The following PRORP variants were observed in gnomAD, a reference collection of about 807,000 sequenced individuals.
The protein encoded by PRORP is mitochondrial ribonuclease P catalytic subunit.
Under a neutral mutation model 59.4 loss-of-function variants are expected in PRORP, and 51 were observed. The ratio of observed to expected loss-of-function variants is 0.86; its 90% CI spans 0.69 to 1.08. PRORP has a LOEUF of 1.08. PRORP is among the 50% of genes least tolerant of loss of function. The pLI is 0.00. For synonymous variants in PRORP, 231 were observed against 245.6 expected (o/e 0.94, Z 0.55); for missense variants, 646 against 690.3 (o/e 0.94, Z 0.72).
intron 5 of PRORP, among the ~76,000 whole-genome samples, chr14:35,228,227 G>A (rs181669455): frequency 1.3e-5 from 2 of 152,174 alleles, no homozygotes; most frequent in East Asian, 1.9e-4. Flanking sequence ...CAGCCATTGA[G>A]CATTATTGCC....
intron 2 of PRORP, among the ~76,000 whole-genome samples, chr14:35,126,386 G>C (rs915301769): frequency 2.0e-5 from 3 of 152,222 alleles, no homozygotes; most frequent in Non-Finnish European, 4.4e-5. Context: ...TGGTGTGTAA[G>C]AGGTAAATTA....
In PRORP at chr14:35,123,705, T is replaced by C. The variant is rs1309830748; in HGVS notation, c.460T>C (p.Ser154Pro). ...TTCACAGATGGCTGGCTGTCATAGC[T>C]CTATAGATGTGGCTAAATCTCTGCT... is the stretch of plus-strand genomic sequence containing the variant. ...IISQMAGCHS[S>P]IDVAKSLLAW... The change falls in exon 2 of 8, where the codon TCT (serine) becomes CCT (proline). Residue 154 changes from serine (S) to proline (P), a missense_variant. By Grantham distance (74) the Ser-to-Pro change is moderately conservative (BLOSUM62 -1). Coordinates refer to ENST00000534898, the MANE Select transcript of PRORP (RefSeq NM_014672.4). 4 of 1,614,208 alleles carry C rather than the reference T, an allele frequency of 2.5e-6. No homozygotes were observed. Among genetic ancestry groups the C allele is most frequent in the Non-Finnish European group, 2.5e-6 (3 of 1,180,042 alleles).
rs115584458 is a variant in PRORP at position 35,207,098 on chromosome 14, T to A, written c.1275+26321T>A. On this transcript the variant is annotated intron_variant, in intron 5 of 7. Transcript: ENST00000534898. ...TCCCAAGGTGGCTGTGTATCTTTTATTTTTTTTTCTTTAAGGCTAACAGCC... is the reference window on the plus strand; with the variant it reads ...TCCCAAGGTGGCTGTGTATCTTTTAATTTTTTTTCTTTAAGGCTAACAGCC... 3.1e-3 allele frequency among the ~76,000 whole-genome samples: 414 copies of A among 133,904 alleles called. 2 individuals carry two copies. Among genetic ancestry groups the A allele is most frequent in the African/African-American group, 9.9e-3 (398 of 40,188 alleles). 87.8% of individuals were successfully genotyped at this position (133,904 alleles called of 152,430 possible).
chr14:35,172,929 G>A (rs562780750), intron 4 of PRORP, among the ~76,000 whole-genome samples: 14 of 148,554 alleles, frequency 9.4e-5, no homozygotes, highest in South Asian at 2.1e-4. Context: ...GTGCAGTGGC[G>A]TGATCTTGGC....
chr14:35,250,234 AAAAAAAAAAG>A (rs531694992), intron 5 of PRORP, among the ~76,000 whole-genome samples: 9 of 151,970 alleles, frequency 5.9e-5, no homozygotes, highest in Middle Eastern at 3.4e-3. Flanking sequence ...TCGGTCTCAA[AAAAAAAAAAG>A]AAAAAAAAAG....
chr14:35,257,447 A>C (rs2050790161), intron 5 of PRORP, among the ~76,000 whole-genome samples: 1 of 152,132 alleles, frequency 6.6e-6, no homozygotes, highest in African/African-American at 2.4e-5. Context: ...AAGTGCAATC[A>C]TTCAGTATTT....
At chr14:35,266,696 A>G in intron 5 of PRORP, 31 bp from the exon 6 acceptor site, 1 of 1,609,592 alleles carries the variant, frequency 6.2e-7, no homozygotes, top group Non-Finnish European at 8.5e-7. Flanking sequence ...CTTCCCTTGA[A>G]CTTTTGTGGT....
intron 5 of PRORP, among the ~76,000 whole-genome samples, chr14:35,227,311 G>C (rs1176012340): frequency 6.6e-6 from 1 of 151,772 alleles, no homozygotes; most frequent in African/African-American, 2.4e-5. Flanking sequence ...GGGCGTGGTG[G>C]CAGGCGCCTG....
intron 4 of PRORP, among the ~76,000 whole-genome samples, chr14:35,159,383 C>G (rs1201182058): frequency 2.0e-5 from 3 of 152,132 alleles, no homozygotes; most frequent in African/African-American, 4.8e-5. Flanking sequence ...TATCTCAGTC[C>G]CTTTTCTGTC....
chr14:35,253,457 C>T (rs1043266934), intron 5 of PRORP, among the ~76,000 whole-genome samples: 20 of 152,036 alleles, frequency 1.3e-4, no homozygotes, highest in Non-Finnish European at 2.4e-4. Context: ...ACACTTTTCT[C>T]CCTTCGCAGT....
At chr14:35,148,693 G>A (rs1458721430) in intron 4 of PRORP, among the ~76,000 whole-genome samples, 1 of 151,948 alleles carries the variant, frequency 6.6e-6, no homozygotes, top group Admixed American at 6.5e-5. Context: ...GAAAATTCTA[G>A]ATGGCATCTT....
intron 5 of PRORP, among the ~76,000 whole-genome samples, chr14:35,263,209 G>C (rs945178007): frequency 7.9e-5 from 12 of 152,174 alleles, no homozygotes; most frequent in South Asian, 2.1e-4. Flanking sequence ...AGTGAGCTGT[G>C]AGTCATTTGT....
intron 5 of PRORP, among the ~76,000 whole-genome samples, chr14:35,194,927 A>G (rs141091748): frequency 1.7e-3 from 264 of 152,316 alleles, no homozygotes; most frequent in African/African-American, 6.1e-3. Context: ...AATTGTAACT[A>G]TCTGCATAAT....
In PRORP at chr14:35,124,029, A is replaced by T. The variant is rs779836044; in HGVS notation, c.784A>T (p.Thr262Ser). 1.2e-6 allele frequency: 2 copies of T among 1,613,912 alleles called. No individual in the cohort carries two copies. Among genetic ancestry groups the T allele is most frequent in the South Asian group, 1.1e-5 (1 of 91,060 alleles). Reference protein sequence around the residue: ...QGALLHQDVNTAWNLYQELLG... With the variant: ...QGALLHQDVNSAWNLYQELLG... Reference sequence around the variant, plus strand: ...AGCTCTCCTTCATCAAGATGTAAACACAGCTTGGAATTTATATCAGGAATT... The same window carrying T: ...AGCTCTCCTTCATCAAGATGTAAACTCAGCTTGGAATTTATATCAGGAATT... The change falls in exon 2 of 8, where the codon ACA becomes TCA. Residue 262 changes from threonine (T) to serine (S), a missense_variant. Physicochemically the swap from Thr to Ser is moderately conservative, Grantham distance 58. Transcript: ENST00000534898.
rs1458590222 is a variant in PRORP at position 35,162,743 on chromosome 14, C to A, written c.1168-17927C>A. Among the ~76,000 whole-genome samples the A allele has an allele frequency of 1.2e-4, 18 of 152,042 alleles. 1 individual carries two copies. Among genetic ancestry groups the A allele is most frequent in the Middle Eastern group, 3.4e-3 (1 of 294 alleles). The stretch of plus-strand genomic sequence containing the variant: ...TTGAAAAGCCAACAAACACAAAAAA[C>A]TTCCTTTTGCTCCCTTCACTTTTGT... On this transcript the variant is annotated intron_variant, in intron 4 of 7. Coordinates refer to ENST00000534898, the MANE Select transcript of PRORP (RefSeq NM_014672.4).
intron 5 of PRORP, among the ~76,000 whole-genome samples, chr14:35,250,850 A>G (rs1037460802): frequency 6.6e-6 from 1 of 151,188 alleles, no homozygotes; most frequent in African/African-American, 2.4e-5. Context: ...GCCAATCTCC[A>G]TTTTATTTTT....
chr14:35,248,262 T>C (rs1566525210), intron 5 of PRORP, among the ~76,000 whole-genome samples: 1 of 152,166 alleles, frequency 6.6e-6, no homozygotes, highest in Non-Finnish European at 1.5e-5. Flanking sequence ...CCCAAAGAGA[T>C]TCAAAATGCT....
intron 4 of PRORP, among the ~76,000 whole-genome samples, chr14:35,147,648 T>C (rs1423415424): frequency 3.9e-5 from 6 of 152,230 alleles, no homozygotes; most frequent in African/African-American, 1.4e-4. Context: ...TGGCAATTTC[T>C]TAAAATAAGA....
chr14:35,147,080 A>C (rs1176850117), intron 4 of PRORP, among the ~76,000 whole-genome samples: 1 of 152,210 alleles, frequency 6.6e-6, no homozygotes, highest in African/African-American at 2.4e-5. Context: ...CCTGGGAGAC[A>C]GAGTGAGACT....
Sources: allele counts gnomAD v4.1 joint callset (sites outside exome capture counted in the v4.1 genomes callset), GRCh38; gene constraint gnomAD v4.1.1; transcripts MANE v1.5; gene names NCBI Gene and HGNC (gene_info 2026-07-23, HGNC 2026-07-21).